The following ENTREP2 variants were observed in gnomAD, a reference collection of about 807,000 sequenced individuals.
ENTREP2 encodes the protein protein ENTREP2.
chr15:29,467,302 T>C, the ENTREP2 span, among the ~76,000 whole-genome samples: 2 of 152,130 alleles, frequency 1.3e-5, no homozygotes, highest in Non-Finnish European at 2.9e-5. Flanking sequence ...GCTTAGGTAG[T>C]GTTCCACCCA....
chr15:29,182,927 T>A, the ENTREP2 span, among the ~76,000 whole-genome samples: 1 of 151,726 alleles, frequency 6.6e-6, no homozygotes, highest in Non-Finnish European at 1.5e-5. Flanking sequence ...TACACAAAAA[T>A]AAATACAACT....
At chr15:29,624,065 A>G in the ENTREP2 span, among the ~76,000 whole-genome samples, 1 of 152,162 alleles carries the variant, frequency 6.6e-6, no homozygotes, top group Non-Finnish European at 1.5e-5. Flanking sequence ...GCCTCTAGTT[A>G]TAAAGGTAAT....
chr15:29,456,824 C>T, the ENTREP2 span, among the ~76,000 whole-genome samples: 11 of 152,138 alleles, frequency 7.2e-5, no homozygotes, highest in African/African-American at 1.4e-4. Context: ...TGTGCAAAGG[C>T]AGGAGGCTGG....
the ENTREP2 span, among the ~76,000 whole-genome samples, chr15:29,325,771 G>A: frequency 3.9e-5 from 6 of 152,090 alleles, no homozygotes; most frequent in African/African-American, 1.4e-4. Flanking sequence ...TTACCCTAAT[G>A]CCAAAACCAG....
chr15:29,411,811 A>T, the ENTREP2 span, among the ~76,000 whole-genome samples: 2 of 152,290 alleles, frequency 1.3e-5, no homozygotes, highest in Admixed American at 6.5e-5. Flanking sequence ...ACCACCTGAC[A>T]CTGATTCTCT....
At chr15:29,440,846 C>T in the ENTREP2 span, among the ~76,000 whole-genome samples, 520 of 152,320 alleles carry the variant, frequency 3.4e-3, 6 homozygotes, top group East Asian at 1.5e-3. Flanking sequence ...TCTGTCTCTA[C>T]TCAGTCCTCC....
At chr15:29,345,744 T>C in the ENTREP2 span, among the ~76,000 whole-genome samples, 4 of 151,300 alleles carry the variant, frequency 2.6e-5, no homozygotes, top group African/African-American at 7.3e-5. Flanking sequence ...GCTTCTGGGC[T>C]AAAAACAACC....
the ENTREP2 span, among the ~76,000 whole-genome samples, chr15:29,175,730 G>A: frequency 6.6e-6 from 1 of 152,220 alleles, no homozygotes; most frequent in African/African-American, 2.4e-5. Context: ...TCAGCCTGCT[G>A]AGTAGCTGAG....
chr15:29,471,630 C>CG, the ENTREP2 span, among the ~76,000 whole-genome samples: 1 of 152,128 alleles, frequency 6.6e-6, no homozygotes, highest in African/African-American at 2.4e-5. Flanking sequence ...CACGGCAGCA[C>CG]GGGGGCCAAG....
At chr15:29,454,964 G>A in the ENTREP2 span, among the ~76,000 whole-genome samples, 4 of 152,178 alleles carry the variant, frequency 2.6e-5, no homozygotes, top group African/African-American at 7.2e-5. Flanking sequence ...ACACAAAAAA[G>A]GCCTAACACG....
the ENTREP2 span, among the ~76,000 whole-genome samples, chr15:29,167,266 T>A: frequency 6.6e-6 from 1 of 152,028 alleles, no homozygotes; most frequent in Non-Finnish European, 1.5e-5. Flanking sequence ...TAGGCAAGGA[T>A]TTCATGACCG....
the ENTREP2 span, among the ~76,000 whole-genome samples, chr15:29,655,226 G>T: frequency 2.7e-4 from 41 of 152,290 alleles, no homozygotes; most frequent in African/African-American, 9.1e-4. Flanking sequence ...CAGGACCACA[G>T]GACTACAGCT....
the ENTREP2 span, among the ~76,000 whole-genome samples, chr15:29,306,780 T>C: frequency 2.8e-5 from 4 of 142,354 alleles, no homozygotes; most frequent in African/African-American, 1.0e-4. Flanking sequence ...TGCAGTGGCG[T>C]GATTACCCAG....
chr15:29,622,230 G>A, the ENTREP2 span, among the ~76,000 whole-genome samples: 1 of 151,928 alleles, frequency 6.6e-6, no homozygotes, highest in Admixed American at 6.6e-5. Flanking sequence ...ATTTTGAGAT[G>A]GAGTCTAGCT....
chr15:29,563,216 T>C, the ENTREP2 span, among the ~76,000 whole-genome samples: 28 of 152,386 alleles, frequency 1.8e-4, no homozygotes, highest in African/African-American at 6.5e-4. Context: ...GAAGGTTTTC[T>C]TGCATTATAG....
the ENTREP2 span, among the ~76,000 whole-genome samples, chr15:29,448,342 C>G: frequency 6.6e-6 from 1 of 152,136 alleles, no homozygotes. Context: ...CAAGAATCTC[C>G]CTGGCAGATA....
chr15:29,179,574 G>A, the ENTREP2 span, among the ~76,000 whole-genome samples: 14 of 151,400 alleles, frequency 9.2e-5, no homozygotes, highest in African/African-American at 3.2e-4. Context: ...GATCAGGGCC[G>A]GAGTCGTCTT....
chr15:29,343,201 A>T, the ENTREP2 span, among the ~76,000 whole-genome samples: 1 of 152,250 alleles, frequency 6.6e-6, no homozygotes, highest in African/African-American at 2.4e-5. Flanking sequence ...TTTATATGTC[A>T]GCTTGGCCAA....
At chr15:29,386,932 T>C in the ENTREP2 span, among the ~76,000 whole-genome samples, 3 of 152,242 alleles carry the variant, frequency 2.0e-5, no homozygotes, top group Non-Finnish European at 4.4e-5. Flanking sequence ...TATACAATCA[T>C]GTCATTTGCA....
Sources: gnomAD v4.1 joint callset for allele counts (sites outside exome capture counted in the v4.1 genomes callset) on GRCh38, gnomAD v4.1.1 for gene constraint, MANE v1.5 for transcripts, NCBI Gene and HGNC (gene_info 2026-07-23, HGNC 2026-07-21) for gene names.